Variants in RGL3 observed in about 807,000 individuals in gnomAD.
RGL3 encodes the protein ral guanine nucleotide dissociation stimulator-like 3.
RGL3 carries 85 observed loss-of-function variants against 90.6 expected under a neutral mutation model. That is an observed-to-expected ratio of 0.94 (90% confidence interval 0.79 to 1.12). RGL3 has a LOEUF of 1.12. Ranked by LOEUF, RGL3 falls within the 50% of genes most tolerant of loss-of-function variation. The pLI is 0.00. For synonymous variants in RGL3, 408 were observed against 385.5 expected (o/e 1.06, Z -0.68); for missense variants, 1,034 against 939.2 (o/e 1.10, Z -1.32).
In RGL3 at chr19:11,405,162, T is replaced by A; in HGVS notation, c.1170A>T (p.Arg390Ser). ...CCATCTCTACCTGGAAAAGAATCTCTCTGCTGCTGAGGTGGTTGTTCTCAT... is the reference window on the plus strand; with the variant it reads ...CCATCTCTACCTGGAAAAGAATCTCACTGCTGCTGAGGTGGTTGTTCTCAT... ...FSDENNHLSS[R>S]EILFQEEATE... The change falls in exon 9 of 19, where the codon AGA becomes AGT. Residue 390 changes from arginine to serine, a missense_variant. Physicochemically the swap from Arg to Ser is moderately radical, Grantham distance 110 (BLOSUM62 -1). Transcript: ENST00000380456. The A allele has an allele frequency of 6.2e-7, 1 of 1,614,008 alleles. No individual in the cohort carries two copies. The highest frequency in any genetic ancestry group is 8.5e-7 in the Non-Finnish European group (1 of 1,179,910).
chr19:11,414,505 A>ATATATATATATATATATACCTT (rs1968954932), intron 5 of RGL3, among the ~76,000 whole-genome samples: 1 of 98,192 alleles, frequency 1.0e-5, no homozygotes, highest in African/African-American at 4.2e-5. Flanking sequence ...ATATATATAT[A>ATATATATATATATATATACCTT]TATATATATA....
chr19:11,399,985 T>C, intron 15 of RGL3, 34 bp from the exon 16 acceptor site: 1 of 1,581,174 alleles, frequency 6.3e-7, no homozygotes. Flanking sequence ...GTGGGGTGGC[T>C]GTGCTGACTC....
At chr19:11,401,007 G>A (rs1001027550) in intron 13 of RGL3, among the ~76,000 whole-genome samples, 9 of 152,096 alleles carry the variant, frequency 5.9e-5, no homozygotes, top group African/African-American at 2.2e-4. Flanking sequence ...AAGCTGGACA[G>A]TCAAACATAA....
At chr19:11,406,391 G>C (rs1248430980) in intron 7 of RGL3, 28 bp downstream of exon 7, 2 of 1,518,802 alleles carry the variant, frequency 1.3e-6, no homozygotes, top group South Asian at 2.4e-5. Context: ...GCCCGCCCCC[G>C]CATCCCCTCT....
chr19:11,409,696 A>G (rs1024026155), intron 5 of RGL3, among the ~76,000 whole-genome samples: 4 of 152,078 alleles, frequency 2.6e-5, no homozygotes, highest in African/African-American at 9.7e-5. Context: ...CCCAGAACCT[A>G]TGTTGCTGTC....
rs375014918 is a variant in RGL3, at chr19:11,402,130, C to G, written c.1365G>C (p.Glu455Asp). The G allele has an allele frequency of 5.7e-5, 92 of 1,609,604 alleles. No individual in the cohort carries two copies. Among genetic ancestry groups the G allele is most frequent in the Non-Finnish European group, 7.4e-5 (87 of 1,178,080 alleles). The change falls in exon 13 of 19, where the codon GAG becomes GAC. Residue 455 changes from glutamate to aspartate, a missense_variant and splice_region_variant. Glu to Asp is a conservative substitution (Grantham distance 45). Transcript: ENST00000380456. ...GCTGGATGCGGGCCAGGATCTCCCA[C>G]TCCTGGAGGACGAGCCTCTAAGACC... ...DLINFEKRRK[E>D]WEILARIQQL...
Position 11,406,783 on chromosome 19 carries a change from C to A in RGL3, c.719G>T (p.Gly240Val), listed in dbSNP as rs1968790880. Residue 240 changes from glycine to valine, a missense_variant, in exon 6 of 19, where the codon GGT (glycine) becomes GTT (valine). Transcript: ENST00000380456. Reference sequence around the variant, plus strand: ...CACGCTGAAGTCCAGGAGCTGGGGACCTTGAGGCATGAGCCCTTCCTCTTC... The same window carrying A: ...CACGCTGAAGTCCAGGAGCTGGGGAACTTGAGGCATGAGCCCTTCCTCTTC... ...AEEEEGLMPQ[G>V]PQLLDFSVDE... The A allele has an allele frequency of 1.2e-6, 2 of 1,613,954 alleles. No homozygotes were observed. The highest frequency in any genetic ancestry group is 1.1e-5 in the South Asian group (1 of 91,090).
At chr19:11,413,168 A>G (rs74359185) in intron 5 of RGL3, among the ~76,000 whole-genome samples, 6,933 of 150,746 alleles carry the variant, frequency 0.046, 225 homozygotes, top group East Asian at 0.17. Flanking sequence ...CTGAGCACTC[A>G]AAATGTGGGT....
chr19:11,406,916 G>A, intron 5 of RGL3, 52 bp from the exon 6 acceptor site: 5 of 1,563,392 alleles, frequency 3.2e-6, no homozygotes, highest in Non-Finnish European at 3.5e-6. Flanking sequence ...AAGACTGGCT[G>A]TGTGACCTTG....
chr19:11,412,215 G>T (rs1435799261), intron 5 of RGL3, among the ~76,000 whole-genome samples: 1 of 151,126 alleles, frequency 6.6e-6, no homozygotes, highest in Non-Finnish European at 1.5e-5. Context: ...AGGAGGCAGA[G>T]GTTGAGGTGA....
Position 11,402,721 on chromosome 19 carries a change from A to C in RGL3, c.1186-15T>G. 1 of 1,611,828 alleles carries C rather than the reference A, an allele frequency of 6.2e-7. No homozygotes were observed. The highest frequency in any genetic ancestry group is 2.2e-5 in the East Asian group (1 of 44,838). ...GTGGCCTCCTCCTGAGGGAAGAGAA[A>C]AACTGAGCCAGGTCTGGGGTCTCCT... On this transcript the variant is annotated splice_polypyrimidine_tract_variant and intron_variant, in intron 9 of 18. Coordinates refer to ENST00000380456, the MANE Select transcript of RGL3 (RefSeq NM_001035223.4).
At chr19:11,416,344 A>G (rs1968997266) in intron 4 of RGL3, 196 bp from the exon 5 acceptor site, 1 of 614,330 alleles carries the variant, frequency 1.6e-6, no homozygotes, top group South Asian at 2.1e-5. Context: ...GCGCCACCAC[A>G]CCCAGCTACC....
At chr19:11,417,218 C>G (rs1199249801) in intron 2 of RGL3, among the ~76,000 whole-genome samples, 159 bp from the exon 3 acceptor site, 3 of 150,530 alleles carry the variant, frequency 2.0e-5, no homozygotes, top group Non-Finnish European at 4.4e-5. Flanking sequence ...GTGGCACGAT[C>G]TTGGGTCACT....
chr19:11,409,304 C>A (rs1968835114), intron 5 of RGL3, among the ~76,000 whole-genome samples: 1 of 151,982 alleles, frequency 6.6e-6, no homozygotes, highest in African/African-American at 2.4e-5. Flanking sequence ...CATGGTGAAA[C>A]CCCGTCTCTA....
chr19:11,410,691 C>G (rs551413978), intron 5 of RGL3, among the ~76,000 whole-genome samples: 4 of 151,448 alleles, frequency 2.6e-5, no homozygotes, highest in Admixed American at 6.6e-5. Context: ...CTCCTCCCCC[C>G]ACCCCAAAAA....
intron 16 of RGL3, 172 bp from the exon 17 acceptor site, chr19:11,397,769 G>A: frequency 1.6e-6 from 1 of 633,386 alleles, no homozygotes; most frequent in Admixed American, 3.5e-5. Flanking sequence ...AGCATTTTGG[G>A]AGGCCGAGGT....
At position 11,406,518 on chromosome 19, in the gene RGL3, G is replaced by A. The variant is rs1466968610; in HGVS notation, c.897C>T (p.Asn299=). ...AACCCAGCACACAGCCGGTCACGGT[G>A]TTGAACTGGGCCACGGTGGCGCGCA... ...PTVRATVAQF[N]TVTGCVLGSV... Residue 299 remains asparagine, a synonymous_variant, in exon 7 of 19, where the codon AAC becomes AAT. Transcript: ENST00000380456. 6.4e-7 allele frequency: 1 copy of A among 1,552,806 alleles called. No homozygotes were observed. The highest frequency in any genetic ancestry group is 1.2e-5 in the South Asian group (1 of 84,518).
Position 11,399,915 on chromosome 19 carries a change from G to T in RGL3, c.1686C>A (p.Ser562Arg), listed in dbSNP as rs779664424. The stretch of plus-strand genomic sequence containing the variant: ...GGGGACTGCCAGCAGGAGCATCTCT[G>T]CTTCTAGGACTTGAGGGGGGTGACC... Reference protein sequence around the residue: ...SPGSPPSSPRSRDAPAGSPPA... With the variant: ...SPGSPPSSPRRRDAPAGSPPA... Residue 562 changes from serine to arginine, a missense_variant, in exon 16 of 19, where the codon AGC becomes AGA. Ser to Arg is a moderately radical substitution (Grantham distance 110). Coordinates refer to ENST00000380456, the MANE Select transcript of RGL3 (RefSeq NM_001035223.4). 2 of 1,534,660 alleles carry T rather than the reference G, an allele frequency of 1.3e-6. No individual in the cohort carries two copies. The highest frequency in any genetic ancestry group is 2.5e-5 in the South Asian group (2 of 79,662).
intron 5 of RGL3, among the ~76,000 whole-genome samples, chr19:11,413,480 T>A (rs1346719847): frequency 1.5e-5 from 2 of 135,512 alleles, no homozygotes; most frequent in African/African-American, 5.6e-5. Context: ...GGTTGCAGTG[T>A]GCCGAGATGG....
Sources: allele counts gnomAD v4.1 joint callset (sites outside exome capture counted in the v4.1 genomes callset), GRCh38; gene constraint gnomAD v4.1.1; transcripts MANE v1.5; gene names NCBI Gene and HGNC (gene_info 2026-07-23, HGNC 2026-07-21).